Variants in RBFOX1 observed in about 807,000 individuals in gnomAD.
RBFOX1 encodes RNA binding fox-1 homolog 1.
Under a neutral mutation model 57.7 loss-of-function variants are expected in RBFOX1, and 8 were observed. That is an observed-to-expected ratio of 0.14 (90% CI 0.08 to 0.25). The LOEUF (loss-of-function observed/expected upper bound fraction) is 0.25. Ranked by LOEUF, RBFOX1 falls within the 10% of genes least tolerant of loss-of-function variation. The probability of loss-of-function intolerance (pLI) is 1.00; values close to 1 mark genes in which losing one functional copy is unlikely to be tolerated. For synonymous variants in RBFOX1, 326 were observed against 222.4 expected, an observed-to-expected ratio of 1.47 and a Z score of -4.15; for missense variants, 611 against 548.5, an observed-to-expected ratio of 1.11 and a Z score of -1.14.
chr16:6,677,105 G>A (rs763337618), intron 3 of RBFOX1, among the ~76,000 whole-genome samples: 1 of 152,142 alleles, frequency 6.6e-6, no homozygotes, highest in Non-Finnish European at 1.5e-5. Context: ...CATTTAATCT[G>A]CCTATTTAAA....
chr16:5,885,378 C>G (rs1412117561), intron 4 of RBFOX1, among the ~76,000 whole-genome samples: 2 of 150,318 alleles, frequency 1.3e-5, no homozygotes, highest in Non-Finnish European at 3.0e-5. Context: ...ATCATCCAAT[C>G]TGCCATCTGA....
chr16:6,548,767 C>G (rs748180598), intron 2 of RBFOX1, among the ~76,000 whole-genome samples: 5 of 152,036 alleles, frequency 3.3e-5, no homozygotes, highest in Non-Finnish European at 5.9e-5. Context: ...TTCTTCCACA[C>G]GTAGTCTTCG....
At chr16:6,621,246 G>C (rs1393008523) in intron 2 of RBFOX1, among the ~76,000 whole-genome samples, 1 of 152,188 alleles carries the variant, frequency 6.6e-6, no homozygotes, top group African/African-American at 2.4e-5. Context: ...CGGATCACAA[G>C]GTCAGGAGAT....
At chr16:7,511,761 G>C (rs530850610) in intron 4 of RBFOX1, among the ~76,000 whole-genome samples, 1 of 152,074 alleles carries the variant, frequency 6.6e-6, no homozygotes, top group Non-Finnish European at 1.5e-5. Context: ...AGTTGCTCTC[G>C]TTGACTGAGA....
intron 3 of RBFOX1, among the ~76,000 whole-genome samples, chr16:6,954,436 A>C (rs907656508): frequency 2.0e-5 from 3 of 152,136 alleles, no homozygotes; most frequent in South Asian, 4.1e-4. Flanking sequence ...TTAAAATTAC[A>C]CGACTATAAA....
intron 1 of RBFOX1, among the ~76,000 whole-genome samples, chr16:5,450,719 C>G (rs1193183591): frequency 6.6e-6 from 1 of 152,240 alleles, no homozygotes; most frequent in Non-Finnish European, 1.5e-5. Context: ...GAATTCGGCT[C>G]TGATGCCTTG....
chr16:6,987,431 C>G (rs1227742868), intron 3 of RBFOX1, among the ~76,000 whole-genome samples: 1 of 150,490 alleles, frequency 6.6e-6, no homozygotes. Context: ...AGGCTTATCT[C>G]AGGACAGCAA....
intron 3 of RBFOX1, among the ~76,000 whole-genome samples, chr16:6,790,121 C>A (rs959394750): frequency 1.3e-5 from 2 of 148,506 alleles, no homozygotes; most frequent in African/African-American, 4.9e-5. Flanking sequence ...GAATTTTCTT[C>A]TGGTTCTGAT....
At chr16:5,861,531 C>G (rs2057213189) in intron 3 of RBFOX1, among the ~76,000 whole-genome samples, 1 of 152,198 alleles carries the variant, frequency 6.6e-6, no homozygotes, top group Non-Finnish European at 1.5e-5. Context: ...ACCTGGGACT[C>G]CTACATGAGA....
chr16:7,653,189 C>T (rs1003762088), intron 11 of RBFOX1, among the ~76,000 whole-genome samples: 1 of 152,156 alleles, frequency 6.6e-6, no homozygotes, highest in African/African-American at 2.4e-5. Context: ...ACACATCTTG[C>T]AATCTGCCCT....
intron 4 of RBFOX1, among the ~76,000 whole-genome samples, chr16:7,490,528 T>C (rs1938688953): frequency 6.6e-6 from 1 of 152,250 alleles, no homozygotes; most frequent in Admixed American, 6.5e-5. Context: ...AATGTACCTT[T>C]ACTCCCCATT....
chr16:7,428,791 C>T (rs1373382041), intron 4 of RBFOX1, among the ~76,000 whole-genome samples: 2 of 151,864 alleles, frequency 1.3e-5, no homozygotes, highest in East Asian at 3.9e-4. Flanking sequence ...GCTTTGAGGG[C>T]AATTCACTTC....
rs533693306 is a variant in RBFOX1, at chr16:7,124,987, C to G, written c.27+72889C>G. Among the ~76,000 whole-genome samples, 8 of 152,196 alleles carry G rather than the reference C, an allele frequency of 5.3e-5. No homozygotes were observed. The South Asian group carries it at 1.0e-3, about 20-fold the overall frequency. ...GGACTGGAAAGTATGTGTCTGCTCA[C>G]GGACTGAGAGGTAGACATTTACATA... On this transcript the variant is annotated intron_variant, in intron 4 of 15. Transcript: ENST00000550418.
intron 11 of RBFOX1, 31 bp from the exon 12 acceptor site, chr16:7,653,784 C>CTG (rs34884713): frequency 2.6e-6 from 3 of 1,167,044 alleles, no homozygotes; most frequent in Non-Finnish European, 3.5e-6. Context: ...ACAGCCTGTG[C>CTG]TCTCTCTCTC....
intron 3 of RBFOX1, among the ~76,000 whole-genome samples, chr16:7,034,919 G>C (rs958925732): frequency 2.6e-4 from 35 of 134,422 alleles, no homozygotes; most frequent in Non-Finnish European, 3.8e-4. Context: ...CGTGATCTCT[G>C]TTCACTGCAA....
chr16:7,238,677 G>A (rs1417696294), intron 4 of RBFOX1, among the ~76,000 whole-genome samples: 6 of 152,126 alleles, frequency 3.9e-5, no homozygotes, highest in Admixed American at 2.0e-4. Context: ...TACAAGTGCA[G>A]GCTTGTTACA....
At chr16:7,450,582 A>G (rs891919978) in intron 4 of RBFOX1, among the ~76,000 whole-genome samples, 18 of 152,114 alleles carry the variant, frequency 1.2e-4, no homozygotes, top group Admixed American at 1.2e-3. Flanking sequence ...TGTCTTAAGG[A>G]GGAAAAGAGC....
intron 2 of RBFOX1, among the ~76,000 whole-genome samples, chr16:6,510,586 CG>C (rs1385760993): frequency 1.3e-5 from 2 of 152,110 alleles, no homozygotes; most frequent in Non-Finnish European, 2.9e-5. Context: ...ATGGAGAAGT[CG>C]GGAGGATGAA....
chr16:6,411,138 T>C (rs1329737640), intron 2 of RBFOX1, among the ~76,000 whole-genome samples: 1 of 152,172 alleles, frequency 6.6e-6, no homozygotes, highest in Non-Finnish European at 1.5e-5. Flanking sequence ...CCATCACATA[T>C]GGCCAATTGT....
Sources: allele counts gnomAD v4.1 joint callset (sites outside exome capture counted in the v4.1 genomes callset), GRCh38; gene constraint gnomAD v4.1.1; transcripts MANE v1.5; gene names NCBI Gene and HGNC (gene_info 2026-07-23, HGNC 2026-07-21).